The following THSD4 variants were observed in gnomAD, a reference collection of about 807,000 sequenced individuals.
THSD4 encodes thrombospondin type-1 domain-containing protein 4.
Under a neutral mutation model 119.0 loss-of-function variants are expected in THSD4, and 69 were observed. The ratio of observed to expected loss-of-function variants is 0.58; its 90% CI spans 0.48 to 0.71. The LOEUF is 0.71. THSD4 is among the 30% of genes least tolerant of loss of function. THSD4 has a pLI of 0.00. For missense variants in THSD4, 1,393 were observed against 1,391.1 expected (o/e 1.00, Z -0.02); for synonymous variants, 524 against 540.4 (o/e 0.97, Z 0.42).
chr15:71,651,048 T>G (rs543588045), intron 7 of THSD4, among the ~76,000 whole-genome samples: 17 of 152,308 alleles, frequency 1.1e-4, no homozygotes, highest in Admixed American at 1.0e-3. Context: ...ATTCGATGAA[T>G]GAATTAATGA....
Position 71,338,776 on chromosome 15 carries a change from G to T in THSD4, c.1016-72911G>T, listed in dbSNP as rs947053338. ...GTGGGAGGTAAGAGAAGGGGGAAAT[G>T]GGACAAGGGAGAAAAGACCTTCCAA... On this transcript the variant is annotated intron_variant, in intron 6 of 17. Transcript: ENST00000261862. Among the ~76,000 whole-genome samples, 3 of 152,270 alleles carry T rather than the reference G, an allele frequency of 2.0e-5. No homozygotes were observed. In the South Asian group the frequency reaches 6.2e-4, roughly 32 times the overall value.
chr15:71,681,211 G>A (rs186123425), intron 8 of THSD4, among the ~76,000 whole-genome samples: 62 of 151,472 alleles, frequency 4.1e-4, no homozygotes, highest in Admixed American at 1.7e-3. Context: ...CACTGCTCCC[G>A]GCCCTACTAT....
At chr15:71,143,981 T>C (rs925757764) in intron 2 of THSD4, among the ~76,000 whole-genome samples, 1 of 152,104 alleles carries the variant, frequency 6.6e-6, no homozygotes, top group Non-Finnish European at 1.5e-5. Context: ...TTCAAGGAAA[T>C]TGCCCACAGA....
At chr15:71,571,499 T>G (rs2049357006) in intron 7 of THSD4, among the ~76,000 whole-genome samples, 1 of 152,314 alleles carries the variant, frequency 6.6e-6, no homozygotes, top group Non-Finnish European at 1.5e-5. Context: ...GGGCTTATAT[T>G]TCAAAATGTG....
At chr15:71,551,156 C>T (rs903472693) in intron 7 of THSD4, among the ~76,000 whole-genome samples, 2 of 152,102 alleles carry the variant, frequency 1.3e-5, no homozygotes, top group Non-Finnish European at 2.9e-5. Context: ...AAATGACTAC[C>T]AGGATATGCT....
chr15:71,451,020 A>T (rs551490155), intron 7 of THSD4, among the ~76,000 whole-genome samples: 1 of 152,190 alleles, frequency 6.6e-6, no homozygotes, highest in Admixed American at 6.5e-5. Flanking sequence ...TCCACTAAAA[A>T]TGCAGAGATT....
intron 9 of THSD4, 91 bp downstream of exon 9, chr15:71,728,815 G>A (rs940170702): frequency 1.3e-6 from 2 of 1,512,572 alleles, no homozygotes; most frequent in Admixed American, 1.7e-5. Context: ...ACAAATCATT[G>A]CCCATACTCA....
chr15:71,383,578 T>A (rs1319141819), intron 6 of THSD4, among the ~76,000 whole-genome samples: 3 of 152,226 alleles, frequency 2.0e-5, no homozygotes, highest in Non-Finnish European at 2.9e-5. Flanking sequence ...ACAGAGAGGC[T>A]GACAACTTTA....
chr15:71,415,009 A>G (rs976448754), intron 7 of THSD4, among the ~76,000 whole-genome samples: 1 of 152,216 alleles, frequency 6.6e-6, no homozygotes, highest in Non-Finnish European at 1.5e-5. Flanking sequence ...GTCCTTTTCT[A>G]AATATTTGAT....
At chr15:71,723,767 A>C (rs984322579) in intron 8 of THSD4, among the ~76,000 whole-genome samples, 12 of 152,128 alleles carry the variant, frequency 7.9e-5, no homozygotes, top group Non-Finnish European at 8.8e-5. Context: ...GGAGAAATTG[A>C]CATCTAAAGA....
intron 6 of THSD4, among the ~76,000 whole-genome samples, chr15:71,366,618 C>T (rs943091440): frequency 2.0e-5 from 3 of 152,138 alleles, no homozygotes; most frequent in Non-Finnish European, 2.9e-5. Context: ...CAGTTGGGGT[C>T]AGTCACTTTC....
chr15:71,467,843 TGG>T, intron 7 of THSD4, among the ~76,000 whole-genome samples: 1 of 38,496 alleles, frequency 2.6e-5, no homozygotes, highest in East Asian at 7.9e-4. Flanking sequence ...GGAGATATGA[TGG>T]TTTTTTTTTT....
intron 8 of THSD4, among the ~76,000 whole-genome samples, chr15:71,665,529 T>C (rs1024639379): frequency 1.3e-5 from 2 of 152,266 alleles, no homozygotes; most frequent in Admixed American, 1.3e-4. Flanking sequence ...ATTTTAGCTT[T>C]TGTTTCAATT....
At chr15:71,378,984 A>G (rs1307465964) in intron 6 of THSD4, among the ~76,000 whole-genome samples, 1 of 152,034 alleles carries the variant, frequency 6.6e-6, no homozygotes. Flanking sequence ...GGGTCTCACT[A>G]TGTTGCCTAG....
At chr15:71,285,768 T>C (rs921160558) in intron 6 of THSD4, among the ~76,000 whole-genome samples, 1 of 142,476 alleles carries the variant, frequency 7.0e-6, no homozygotes, top group African/African-American at 2.6e-5. Context: ...GCAGAAGAAT[T>C]GCTTGAACCT....
chr15:71,662,842 G>A (rs959700590), intron 8 of THSD4, among the ~76,000 whole-genome samples: 2 of 152,090 alleles, frequency 1.3e-5, no homozygotes, highest in African/African-American at 4.8e-5. Context: ...GTTGACAAAT[G>A]TTCATTGCCT....
intron 7 of THSD4, among the ~76,000 whole-genome samples, chr15:71,616,358 G>A (rs1326855874): frequency 6.6e-6 from 1 of 152,078 alleles, no homozygotes; most frequent in African/African-American, 2.4e-5. Context: ...TGTTTTGCTG[G>A]TCAGACTACA....
intron 7 of THSD4, among the ~76,000 whole-genome samples, chr15:71,638,589 TCTC>T (rs779143312): frequency 7.9e-5 from 12 of 152,190 alleles, no homozygotes; most frequent in Non-Finnish European, 1.3e-4. Context: ...ACCTAATTCT[TCTC>T]ATAATCTCAG....
chr15:71,207,472 C>A (rs2043853864), intron 3 of THSD4, among the ~76,000 whole-genome samples: 1 of 152,214 alleles, frequency 6.6e-6, no homozygotes. Context: ...AAAGGCAGAC[C>A]CAGTTCATTT....
Sources: gnomAD v4.1 joint callset for allele counts (sites outside exome capture counted in the v4.1 genomes callset) on GRCh38, gnomAD v4.1.1 for gene constraint, MANE v1.5 for transcripts, NCBI Gene and HGNC (gene_info 2026-07-23, HGNC 2026-07-21) for gene names.